Variants in N4BP2 observed in about 807,000 individuals in gnomAD.
The protein encoded by N4BP2 is NEDD4-binding protein 2.
Under a neutral mutation model 152.8 loss-of-function variants are expected in N4BP2, and 91 were observed. The ratio of observed to expected loss-of-function variants is 0.60; its 90% CI spans 0.50 to 0.71. N4BP2 has a LOEUF of 0.71. N4BP2 is among the 30% of genes least tolerant of loss of function. N4BP2 has a pLI of 0.00. For missense variants in N4BP2, 1,923 were observed against 2,059.1 expected, an observed-to-expected ratio of 0.93 and a Z score of 1.28; for synonymous variants, 646 against 705.3, an observed-to-expected ratio of 0.92 and a Z score of 1.33.
chr4:40,110,840 C>T (rs571763640), intron 5 of N4BP2, among the ~76,000 whole-genome samples: 1 of 152,216 alleles, frequency 6.6e-6, no homozygotes, highest in Admixed American at 6.5e-5. Flanking sequence ...GCCCAGCCTC[C>T]TTTGCCCATT....
intron 3 of N4BP2, among the ~76,000 whole-genome samples, chr4:40,097,820 T>C (rs1164042109): frequency 2.0e-5 from 3 of 152,216 alleles, no homozygotes; most frequent in Admixed American, 2.0e-4. Context: ...GCATATTCTG[T>C]CTCTTTCATC....
the N4BP2 span, among the ~76,000 whole-genome samples, chr4:40,169,547 A>G: frequency 6.6e-6 from 1 of 151,892 alleles, no homozygotes; most frequent in African/African-American, 2.4e-5. Context: ...AACTGAACTG[A>G]AATGATAAAC....
chr4:40,128,986 T>C (rs1490703547), intron 12 of N4BP2, among the ~76,000 whole-genome samples: 1 of 152,246 alleles, frequency 6.6e-6, no homozygotes, highest in Admixed American at 6.5e-5. Context: ...GGTGAACAAA[T>C]GAGCATCTTT....
intron 1 of N4BP2, among the ~76,000 whole-genome samples, chr4:40,060,778 ATTT>A (rs200089607): frequency 6.7e-6 from 1 of 150,212 alleles, no homozygotes; most frequent in Non-Finnish European, 1.5e-5. Context: ...CATTTTTAAA[ATTT>A]TTTTGTAGAG....
In N4BP2 at chr4:40,103,153, T is replaced by G; in HGVS notation, c.1308T>G (p.Ser436=). The G allele has an allele frequency of 6.2e-7, 1 of 1,614,208 alleles. No individual in the cohort carries two copies. Among genetic ancestry groups the G allele is most frequent in the Non-Finnish European group, 8.5e-7 (1 of 1,180,030 alleles). The change falls in exon 4 of 18, where the codon TCT becomes TCG. Residue 436 remains serine (S), a synonymous_variant. Transcript: ENST00000261435. The stretch of plus-strand genomic sequence containing the variant: ...CTCAGGTTGTAAGAAAGAAGACATC[T>G]TACGTTGGACTAGTTCTTGTTCTTC... ...PVSQVVRKKT[S]YVGLVLVLLR...
downstream of N4BP2, among the ~76,000 whole-genome samples, chr4:40,160,896 A>T (rs1721840656): frequency 6.6e-6 from 1 of 152,216 alleles, no homozygotes; most frequent in Non-Finnish European, 1.5e-5. Flanking sequence ...GACAAAGGAC[A>T]GCAGACTTAA....
intron 16 of N4BP2, among the ~76,000 whole-genome samples, chr4:40,146,405 T>C (rs1221049549): frequency 6.6e-6 from 1 of 152,114 alleles, no homozygotes; most frequent in Non-Finnish European, 1.5e-5. Flanking sequence ...ATAAAAAGCT[T>C]ATTGTATAAT....
chr4:40,161,245 A>G (rs1433790402), downstream of N4BP2, among the ~76,000 whole-genome samples: 1 of 152,264 alleles, frequency 6.6e-6, no homozygotes, highest in Non-Finnish European at 1.5e-5. Flanking sequence ...ATGCACCCTC[A>G]TCTTGGAGAA....
In N4BP2 at chr4:40,155,931, G is replaced by A. The variant is rs535363762; in HGVS notation, c.*1694G>A. The A allele has an allele frequency of 6.6e-5, 10 of 152,278 alleles. No homozygotes were observed. In the South Asian group the frequency reaches 1.9e-3, roughly 28 times the overall value. 9.4% of individuals were successfully genotyped at this position (152,278 alleles called of 1,614,324 possible). On this transcript the variant is annotated 3_prime_UTR_variant, in exon 18 of 18. Transcript: ENST00000261435. ...TGTTTATTATTTAGAAATGGTTAGT[G>A]ACTGGTATTGAAGTATTATTCACAC...
At chr4:40,127,593 G>C (rs561116703) in intron 12 of N4BP2, among the ~76,000 whole-genome samples, 32 of 151,926 alleles carry the variant, frequency 2.1e-4, no homozygotes, top group African/African-American at 7.5e-4. Context: ...CTTATTTAAA[G>C]ATAATTATAT....
At chr4:40,072,392 C>T (rs57995358) in intron 1 of N4BP2, among the ~76,000 whole-genome samples, 8,669 of 151,750 alleles carry the variant, frequency 0.057, 693 homozygotes, top group East Asian at 0.42. Flanking sequence ...ATTATAGGCA[C>T]GTGCCACCAT....
At chr4:40,146,326 C>T (rs938972481) in intron 16 of N4BP2, among the ~76,000 whole-genome samples, 1 of 152,028 alleles carries the variant, frequency 6.6e-6, no homozygotes, top group South Asian at 2.1e-4. Flanking sequence ...CACTGTCAGT[C>T]TTGACCCCCA....
the N4BP2 span, among the ~76,000 whole-genome samples, chr4:40,172,364 C>T: frequency 6.6e-6 from 1 of 152,192 alleles, no homozygotes; most frequent in Non-Finnish European, 1.5e-5. Context: ...TTGGCAACAT[C>T]CTCACAGACA....
chr4:40,156,387 ATAT>A lies in N4BP2; in HGVS notation c.*2154_*2156del, dbSNP rs1721600204. 1 of 152,154 alleles carries A rather than the reference ATAT, an allele frequency of 6.6e-6. No homozygotes were observed. Among genetic ancestry groups the A allele is most frequent in the African/African-American group, 2.4e-5 (1 of 41,452 alleles). The allele number at this position is 152,154 out of a possible 1,614,324, so 9.4% of individuals were successfully genotyped here. On this transcript the variant is annotated 3_prime_UTR_variant, in exon 18 of 18. Transcript: ENST00000261435. ...TTACTTGTTTACTATATCAATGTTA[ATAT>A]TATGCCTTATTTTGATAAATCAAAT...
intron 5 of N4BP2, among the ~76,000 whole-genome samples, chr4:40,109,873 T>C (rs1716705183): frequency 6.6e-6 from 1 of 152,232 alleles, no homozygotes; most frequent in African/African-American, 2.4e-5. Context: ...CAGTAGTTTT[T>C]AGAACTTAAT....
rs1372182964 is a variant in N4BP2 at position 40,056,908 on chromosome 4, G to T, written c.-334G>T. The T allele has an allele frequency of 1.3e-5, 2 of 152,110 alleles. No individual in the cohort carries two copies. The highest frequency in any genetic ancestry group is 1.9e-4 in the East Asian group (1 of 5,180). 9.4% of individuals were successfully genotyped at this position (152,110 alleles called of 1,614,324 possible). ...CCCCCGCGGCCGCAGCTGCTTGCTA[G>T]CCTTGCGCGGCGCGGGAGAGCGCAG... On this transcript the variant is annotated 5_prime_UTR_variant, in exon 1 of 18. Coordinates refer to ENST00000261435, the MANE Select transcript of N4BP2 (RefSeq NM_018177.6).
At chr4:40,131,448 G>A (rs1451693984) in intron 12 of N4BP2, among the ~76,000 whole-genome samples, 1 of 151,926 alleles carries the variant, frequency 6.6e-6, no homozygotes, top group African/African-American at 2.4e-5. Context: ...GTGTGTGTAT[G>A]TATATATATG....
At chr4:40,064,774 G>T (rs1158605463) in intron 1 of N4BP2, among the ~76,000 whole-genome samples, 2 of 151,484 alleles carry the variant, frequency 1.3e-5, no homozygotes, top group Non-Finnish European at 2.9e-5. Context: ...ATATGGGTTG[G>T]GTGTGATGGG....
chr4:40,164,730 T>G, the N4BP2 span, among the ~76,000 whole-genome samples: 1 of 152,316 alleles, frequency 6.6e-6, no homozygotes, highest in South Asian at 2.1e-4. Flanking sequence ...TCTGAAACAG[T>G]TCTTTGCAGC....
Sources: allele counts gnomAD v4.1 joint callset (sites outside exome capture counted in the v4.1 genomes callset), GRCh38; gene constraint gnomAD v4.1.1; transcripts MANE v1.5; gene names NCBI Gene and HGNC (gene_info 2026-07-23, HGNC 2026-07-21).